BTBD8: variants seen among roughly 807,000 people sequenced by gnomAD.
The protein encoded by BTBD8 is BTB/POZ domain-containing protein 8.
A neutral mutation model predicts 162.9 loss-of-function variants in BTBD8; 110 were observed. That is an observed-to-expected ratio of 0.68 (90% confidence interval 0.58 to 0.79). The LOEUF is 0.79. Ranked by LOEUF, BTBD8 falls within the 30% of genes least tolerant of loss-of-function variation. The pLI is 0.00. For missense variants in BTBD8, 1,905 were observed against 2,085.4 expected (o/e 0.91, Z 1.68); for synonymous variants, 667 against 716.1 (o/e 0.93, Z 1.10).
intron 17 of BTBD8, 108 bp from the exon 18 acceptor site, chr1:92,183,753 GTGT>G: frequency 2.0e-6 from 1 of 498,274 alleles, no homozygotes; most frequent in Non-Finnish European, 3.0e-6. Context: ...TTCCCATTCT[GTGT>G]TTTTTTTTTT....
At chr1:92,167,170 A>G (rs982377442) in intron 10 of BTBD8, 30 bp downstream of exon 10, 2 of 1,545,764 alleles carry the variant, frequency 1.3e-6, no homozygotes, top group South Asian at 2.4e-5. Flanking sequence ...TCCTATATTT[A>G]GTTCCATCTT....
intron 5 of BTBD8, 103 bp downstream of exon 5, chr1:92,129,879 T>TC: frequency 2.0e-6 from 2 of 985,178 alleles, no homozygotes; most frequent in Non-Finnish European, 3.2e-6. Flanking sequence ...TTCAAGGAAA[T>TC]ATTTCTCATG....
At position 92,088,887 on chromosome 1, in the gene BTBD8, G is replaced by A. The variant is rs557143632; in HGVS notation, c.339G>A (p.Thr113=). ...VENVEALEFR[T]FLQIIYSSNR... is the part of the protein sequence containing the mutation. ...ATGTTGAAGCTTTAGAATTTAGAAC[G>A]TTTTTACAGTAAGTGCTTTCTTTAT... Residue 113 remains threonine, a synonymous_variant, in exon 2 of 18, where the codon ACG becomes ACA. Transcript: ENST00000636805. 1.2e-5 allele frequency: 20 copies of A among 1,606,546 alleles called. No individual in the cohort carries two copies. The East Asian group carries it at 1.8e-4, about 14-fold the overall frequency.
chr1:92,122,269 T>A (rs927261930), intron 4 of BTBD8, among the ~76,000 whole-genome samples: 3,395 of 152,026 alleles, frequency 0.022, 128 homozygotes, highest in African/African-American at 0.075. Flanking sequence ...ATTATTATTT[T>A]TTTTTTTTGA....
chr1:92,184,632 G>A lies in BTBD8; in HGVS notation c.*302G>A. On this transcript the variant is annotated 3_prime_UTR_variant, in exon 18 of 18. Coordinates refer to ENST00000636805, the MANE Select transcript of BTBD8 (RefSeq NM_001376131.1). ...TAATCATTATTCAAGAATTTAAAAT[G>A]TGAATGCAGAAGTAGATCAGTCCCT... The A allele has an allele frequency of 4.5e-6, 1 of 222,214 alleles. No homozygotes were observed. Among genetic ancestry groups the A allele is most frequent in the Non-Finnish European group, 8.9e-6 (1 of 112,230 alleles). 13.8% of individuals were successfully genotyped at this position (222,214 alleles called of 1,614,324 possible). A position where few individuals can be genotyped will look rare whatever the true frequency, so the allele number is the denominator to read the frequency against.
chr1:92,163,448 AT>A (rs1650314871), intron 9 of BTBD8, among the ~76,000 whole-genome samples: 1 of 150,736 alleles, frequency 6.6e-6, no homozygotes, highest in South Asian at 2.1e-4. Flanking sequence ...AATTACATAT[AT>A]GTTTTGTTTG....
chr1:92,136,408 T>A (rs1649636510), intron 5 of BTBD8, among the ~76,000 whole-genome samples: 1 of 152,144 alleles, frequency 6.6e-6, no homozygotes, highest in African/African-American at 2.4e-5. Flanking sequence ...CTTCTTGCCT[T>A]CCTCATTTTG....
At chr1:92,101,393 C>A (rs1648587446) in intron 2 of BTBD8, among the ~76,000 whole-genome samples, 1 of 152,204 alleles carries the variant, frequency 6.6e-6, no homozygotes, top group Non-Finnish European at 1.5e-5. Context: ...GCCTTCCAAG[C>A]AAATCCCCAG....
intron 1 of BTBD8, among the ~76,000 whole-genome samples, chr1:92,086,746 A>T (rs1220299416): frequency 6.6e-6 from 1 of 152,228 alleles, no homozygotes; most frequent in African/African-American, 2.4e-5. Flanking sequence ...GTGTTATAAA[A>T]GGATGAGTTT....
intron 4 of BTBD8, among the ~76,000 whole-genome samples, chr1:92,119,575 C>G: frequency 6.6e-6 from 1 of 151,970 alleles, no homozygotes; most frequent in East Asian, 1.9e-4. Flanking sequence ...TGTGAGCTGC[C>G]ACATCTGGCT....
chr1:92,124,887 G>A (rs892058148), intron 4 of BTBD8, among the ~76,000 whole-genome samples: 1 of 151,760 alleles, frequency 6.6e-6, no homozygotes, highest in African/African-American at 2.4e-5. Context: ...CTAGAACTCC[G>A]GACCTTTAGA....
rs182815405 is a variant in BTBD8, at chr1:92,122,460, T to C, written c.663-7227T>C. 4.4e-3 allele frequency among the ~76,000 whole-genome samples: 666 copies of C among 152,272 alleles called. 2 individuals are homozygous for C. Among genetic ancestry groups the C allele is most frequent in the Non-Finnish European group, 7.3e-3 (498 of 68,014 alleles). On this transcript the variant is annotated intron_variant, in intron 4 of 17. Coordinates refer to ENST00000636805, the MANE Select transcript of BTBD8 (RefSeq NM_001376131.1). ...TTTTAGTAGAGACGGGATTTCACCA[T>C]GTTGGCCAGGATGGTCTTGATCTCT...
chr1:92,109,462 A>G (rs1648832590), intron 4 of BTBD8, among the ~76,000 whole-genome samples: 1 of 152,080 alleles, frequency 6.6e-6, no homozygotes. Flanking sequence ...GCTGCCTGAC[A>G]ATGAACTAAC....
chr1:92,180,814 C>G lies in BTBD8; in HGVS notation c.3131C>G (p.Ser1044Ter). The G allele has an allele frequency of 6.4e-7, 1 of 1,551,516 alleles. No individual in the cohort carries two copies. Among genetic ancestry groups the G allele is most frequent in the Non-Finnish European group, 8.7e-7 (1 of 1,146,960 alleles). ...LDKSLKHELE[S>*]KQICLDKSET... is the part of the protein sequence containing the mutation. The stretch of plus-strand genomic sequence containing the variant: ...AAATCATTAAAACACGAACTGGAAT[C>G]AAAACAGATTTGTTTAGATAAAAGT... Residue 1044 changes from serine to a stop codon, truncating the protein, a stop_gained, in exon 17 of 18, where the codon TCA becomes TGA. Coordinates refer to ENST00000636805, the MANE Select transcript of BTBD8 (RefSeq NM_001376131.1). LOFTEE classifies it high-confidence loss of function.
intron 4 of BTBD8, among the ~76,000 whole-genome samples, chr1:92,113,997 G>A (rs1421071726): frequency 7.8e-6 from 1 of 128,736 alleles, no homozygotes; most frequent in African/African-American, 3.1e-5. Flanking sequence ...GGACGACAGA[G>A]TGAGACTCCG....
chr1:92,141,655 A>G (rs143691953), intron 7 of BTBD8, among the ~76,000 whole-genome samples: 5 of 152,302 alleles, frequency 3.3e-5, no homozygotes, highest in East Asian at 1.9e-4. Flanking sequence ...CAGGTGACCT[A>G]TGGATACTAA....
At chr1:92,138,158 T>C (rs1649676874) in intron 5 of BTBD8, among the ~76,000 whole-genome samples, 1 of 152,130 alleles carries the variant, frequency 6.6e-6, no homozygotes, top group African/African-American at 2.4e-5. Context: ...ATGTGGAAAA[T>C]TCAATTCTTG....
intron 4 of BTBD8, chr1:92,126,064 A>G: frequency 4.1e-6 from 2 of 489,902 alleles, no homozygotes; most frequent in Middle Eastern, 5.2e-4. Flanking sequence ...AAGATGTATG[A>G]GGAATTCCTT....
chr1:92,106,400 C>T (rs146359313), intron 3 of BTBD8, among the ~76,000 whole-genome samples: 1 of 152,152 alleles, frequency 6.6e-6, no homozygotes, highest in East Asian at 1.9e-4. Flanking sequence ...GTGGCTCACG[C>T]CTGTAATCCC....
Sources: gnomAD v4.1 joint callset for allele counts (sites outside exome capture counted in the v4.1 genomes callset) on GRCh38, gnomAD v4.1.1 for gene constraint, MANE v1.5 for transcripts, NCBI Gene and HGNC (gene_info 2026-07-23, HGNC 2026-07-21) for gene names.